FLII: variants seen among roughly 807,000 people sequenced by gnomAD.
FLII encodes the protein protein flightless-1 homolog.
In FLII, 101 loss-of-function variants were observed where a neutral mutation model predicts 156.2. That is an observed-to-expected ratio of 0.65 (90% CI 0.55 to 0.76). The LOEUF (loss-of-function observed/expected upper bound fraction) is 0.76, where lower values mean the gene tolerates loss of function less well. Among genes scored for constraint, FLII ranks in the 30% least tolerant of loss-of-function variants. The pLI is 0.00. For missense variants in FLII, 1,675 were observed against 1,682.8 expected, an observed-to-expected ratio of 1.00 and a Z score of 0.08; for synonymous variants, 767 against 685.8, an observed-to-expected ratio of 1.12 and a Z score of -1.85.
rs143462111 is a variant in FLII at position 18,245,424 on chromosome 17, G to T, written c.3610-5C>A. 8.1e-6 allele frequency: 13 copies of T among 1,614,064 alleles called. No individual in the cohort carries two copies. The highest frequency in any genetic ancestry group is 5.0e-5 in the Admixed American group (3 of 60,030). On this transcript the variant is annotated splice_region_variant and splice_polypyrimidine_tract_variant and intron_variant, in intron 28 of 29. Transcript: ENST00000327031. ...GGTCCCCACCCACATGTAGACCTGTGGGGGCAGCAGGGGAGATACGGTTGC... is the reference window on the plus strand; with the variant it reads ...GGTCCCCACCCACATGTAGACCTGTTGGGGCAGCAGGGGAGATACGGTTGC...
intron 10 of FLII, 106 bp from the exon 11 acceptor site, chr17:18,252,252 A>T: frequency 8.8e-7 from 1 of 1,140,970 alleles, no homozygotes; most frequent in Non-Finnish European, 1.3e-6. Flanking sequence ...CTGAGAGGTC[A>T]GGGAACTGGG....
At position 18,254,852 on chromosome 17, in the gene FLII, G is replaced by A; in HGVS notation, c.330C>T (p.Asp110=). The A allele has an allele frequency of 1.9e-6, 3 of 1,614,154 alleles. No individual in the cohort carries two copies. The highest frequency in any genetic ancestry group is 2.5e-6 in the Non-Finnish European group (3 of 1,180,020). ...IFKLDDLSVL[D]LSHNQLTECP... is the part of the protein sequence containing the mutation. ...ACTCTGTCAGCTGGTTGTGGCTCAA[G>A]TCCTGGGTAGAAGGGGCAAGACCCA... Residue 110 remains aspartate, a splice_region_variant and synonymous_variant, in exon 5 of 30, where the codon GAC becomes GAT. Transcript: ENST00000327031.
rs1597904083 is a variant in FLII at position 18,248,052 on chromosome 17, A to G, written c.2191-19T>C. On this transcript the variant is annotated intron_variant, in intron 18 of 29. Coordinates refer to ENST00000327031, the MANE Select transcript of FLII (RefSeq NM_002018.4). ...GGCCCACCTGGCAGGAAGGATGAGC[A>G]TGGCAGGGAAGGGATCTGGAGACAG... is the stretch of plus-strand genomic sequence containing the variant. The G allele has an allele frequency of 1.9e-6, 3 of 1,568,374 alleles. No individual in the cohort carries two copies. The highest frequency in any genetic ancestry group is 1.1e-5 in the South Asian group (1 of 90,060).
chr17:18,258,360 C>T lies in FLII; in HGVS notation c.63+268G>A. On this transcript the variant is annotated intron_variant, in intron 1 of 29. Transcript: ENST00000327031. The surrounding 1 kb of genome is among the most constrained non-coding windows in gnomAD (Gnocchi z 4.2). ...CCAGCCTAGACCGAGAACACGGACG[C>T]GGGGTGGGGGCTCCCGGCCGGGCCC... The T allele has an allele frequency of 3.5e-6, 3 of 853,946 alleles. No homozygotes were observed. Among genetic ancestry groups the T allele is most frequent in the Non-Finnish European group, 1.8e-6 (1 of 570,356 alleles). 52.9% of individuals were successfully genotyped at this position (853,946 alleles called of 1,614,324 possible). A position where few individuals can be genotyped will look rare whatever the true frequency, so the allele number is the denominator to read the frequency against.
intron 16 of FLII, 66 bp downstream of exon 16, chr17:18,249,061 C>T: frequency 1.3e-6 from 2 of 1,493,022 alleles, no homozygotes; most frequent in Non-Finnish European, 1.9e-6. Flanking sequence ...GAGGCCCACA[C>T]CTGCCCCCAC....
At position 18,258,395 on chromosome 17, in the gene FLII, C is replaced by A; in HGVS notation, c.63+233G>T. 1 of 1,282,638 alleles carries A rather than the reference C, an allele frequency of 7.8e-7. No individual in the cohort carries two copies. The allele number at this position is 1,282,638 out of a possible 1,614,324, so 79.5% of individuals were successfully genotyped here. On this transcript the variant is annotated intron_variant, in intron 1 of 29. Coordinates refer to ENST00000327031, the MANE Select transcript of FLII (RefSeq NM_002018.4). The surrounding 1 kb of genome is among the most constrained non-coding windows in gnomAD (Gnocchi z 4.2). ...GCTCCCGGCCGGGCCCCCGGCGGGA[C>A]TCCGAGCCCAAGCGTCCGTCCCCGG...
Position 18,247,797 on chromosome 17 carries a change from C to G in FLII, c.2347G>C (p.Asp783His), listed in dbSNP as rs1366344715. The G allele has an allele frequency of 2.5e-6, 4 of 1,612,460 alleles. No homozygotes were observed. The South Asian group carries it at 3.3e-5, about 13-fold the overall frequency. The change falls in exon 20 of 30, where the codon GAC becomes CAC. Residue 783 changes from aspartate (D) to histidine (H), a missense_variant. Around this residue, in one of 2 missense-constraint regions of FLII, gnomAD observed 1,332 missense variants for 1,269.3 expected, o/e 1.05. Coordinates refer to ENST00000327031, the MANE Select transcript of FLII (RefSeq NM_002018.4). ...RCVYILDCWS[D>H]VFIWLGRKSP... ...TTGCGGCCGAGCCAGATGAACACGT[C>G]GGACCAACAGTCCAGAATGTACACG... is the stretch of plus-strand genomic sequence containing the variant.
intron 29 of FLII, 24 bp from the exon 30 acceptor site, chr17:18,245,296 G>A (rs567421136): frequency 6.2e-7 from 1 of 1,612,872 alleles, no homozygotes; most frequent in Admixed American, 1.7e-5. Context: ...AGCGAGCCTT[G>A]GGTGATGACC....
chr17:18,246,246 C>T (rs1281758786), intron 24 of FLII, 24 bp from the exon 25 acceptor site: 1 of 1,614,168 alleles, frequency 6.2e-7, no homozygotes, highest in East Asian at 2.2e-5. Flanking sequence ...GGGGCATCAG[C>T]AAGGATTCAG....
chr17:18,252,509 G>GT lies in FLII; in HGVS notation c.1060dup (p.Thr354AsnfsTer35). On this transcript the variant is annotated frameshift_variant, in exon 10 of 30. Coordinates refer to ENST00000327031, the MANE Select transcript of FLII (RefSeq NM_002018.4). LOFTEE classifies it high-confidence loss of function. Reference sequence around the variant, plus strand: ...CAGGAAATGGATGGCTTCTGGGAGGGTCACCAGGTGGTTCTTGTTCAGGAC... The same window carrying GT: ...CAGGAAATGGATGGCTTCTGGGAGGGTTCACCAGGTGGTTCTTGTTCAGGAC... The GT allele has an allele frequency of 6.2e-7, 1 of 1,613,790 alleles. No individual in the cohort carries two copies. The highest frequency in any genetic ancestry group is 8.5e-7 in the Non-Finnish European group (1 of 1,180,008).
chr17:18,246,446 T>C lies in FLII; in HGVS notation c.3068A>G (p.Gln1023Arg). ...CAGGAACTTGGGGTTCTCCTGCTGC[T>C]GCGTCATGCGTACCACCTGGGGATG... ...PGKLEVVRMTQQQENPKFLSH... is the reference protein window; with the variant it reads ...PGKLEVVRMTRQQENPKFLSH... Residue 1023 changes from glutamine to arginine, a missense_variant, in exon 24 of 30, where the codon CAG (glutamine) becomes CGG (arginine). Around this residue, in one of 2 missense-constraint regions of FLII, gnomAD observed 1,332 missense variants for 1,269.3 expected, o/e 1.05. Coordinates refer to ENST00000327031, the MANE Select transcript of FLII (RefSeq NM_002018.4). 1.2e-6 allele frequency: 2 copies of C among 1,613,968 alleles called. No individual in the cohort carries two copies. Among genetic ancestry groups the C allele is most frequent in the Non-Finnish European group, 1.7e-6 (2 of 1,179,980 alleles).
Position 18,251,784 on chromosome 17 carries a change from T to G in FLII, c.1279A>C (p.Lys427Gln). 2 of 1,613,774 alleles carry G rather than the reference T, an allele frequency of 1.2e-6. No homozygotes were observed. Among genetic ancestry groups the G allele is most frequent in the Non-Finnish European group, 1.7e-6 (2 of 1,180,032 alleles). Residue 427 changes from lysine to glutamine, a missense_variant, in exon 12 of 30, where the codon AAG (lysine) becomes CAG (glutamine). By Grantham distance (53) the Lys-to-Gln change is moderately conservative. Around this residue, in one of 2 missense-constraint regions of FLII, gnomAD observed 1,332 missense variants for 1,269.3 expected, o/e 1.05. Transcript: ENST00000327031. ...TCCTTGCGCCTCCGCAGTCGCATCT[T>G]GCGAGCCATAGGGTCCTTGGGCCCA... ...GSGPKDPMAR[K>Q]MRLRRRKDSA...
chr17:18,254,753 C>T lies in FLII; in HGVS notation c.413+16G>A, dbSNP rs762568588. Reference sequence around the variant, plus strand: ...CACAGGGCCCACCTGCCCCCTGCCCCCCACTGGCCTGGCACCTGTTGTGGC... The same window carrying T: ...CACAGGGCCCACCTGCCCCCTGCCCTCCACTGGCCTGGCACCTGTTGTGGC... On this transcript the variant is annotated intron_variant, in intron 5 of 29. Transcript: ENST00000327031. 5 of 1,614,044 alleles carry T rather than the reference C, an allele frequency of 3.1e-6. No homozygotes were observed. Among genetic ancestry groups the T allele is most frequent in the African/African-American group, 1.3e-5 (1 of 75,028 alleles).
In FLII at chr17:18,251,415, C is replaced by T. The variant is rs1597912492; in HGVS notation, c.1446G>A (p.Lys482=). 3.1e-6 allele frequency: 5 copies of T among 1,613,068 alleles called. No individual in the cohort carries two copies. Among genetic ancestry groups the T allele is most frequent in the African/African-American group, 1.3e-5 (1 of 75,040 alleles). Residue 482 remains lysine, a synonymous_variant, in exon 13 of 30, where the codon AAG becomes AAA. Transcript: ENST00000327031. ...KVRRWDQGLE[K]PRLDYSEFFT... Reference sequence around the variant, plus strand: ...AGAACTCGGAGTAGTCAAGGCGGGGCTTCTCCAGGCCCTGGTCCCAACGCC... The same window carrying T: ...AGAACTCGGAGTAGTCAAGGCGGGGTTTCTCCAGGCCCTGGTCCCAACGCC...
intron 1 of FLII, 122 bp from the exon 2 acceptor site, chr17:18,257,141 A>G: frequency 3.3e-6 from 2 of 601,656 alleles, no homozygotes; most frequent in Non-Finnish European, 3.0e-6. Flanking sequence ...GAGAACACAG[A>G]CAAGTCATTT....
intron 13 of FLII, 27 bp downstream of exon 13, chr17:18,251,238 G>A: frequency 1.9e-6 from 3 of 1,606,584 alleles, no homozygotes; most frequent in Non-Finnish European, 2.6e-6. Context: ...GGGCCACATG[G>A]CCCCTAACAG....
chr17:18,247,742 A>G lies in FLII; in HGVS notation c.2402T>C (p.Leu801Pro). The change falls in exon 20 of 30, where the codon CTC becomes CCC. Residue 801 changes from leucine to proline, a missense_variant. Physicochemically the swap from Leu to Pro is moderately conservative, Grantham distance 98. This residue lies in a region of FLII where 1,332 missense variants were observed against 1,269.3 expected (regional missense o/e 1.05). Coordinates refer to ENST00000327031, the MANE Select transcript of FLII (RefSeq NM_002018.4). ...KSPRLVRAAALKLGQELCGML... is the reference protein window; with the variant it reads ...KSPRLVRAAAPKLGQELCGML... ...CCCGCACAGCTCCTGACCCAGCTTG[A>G]GGGCGGCAGCGCGCACCAGGCGCGG... 1 of 1,605,894 alleles carries G rather than the reference A, an allele frequency of 6.2e-7. No homozygotes were observed. The highest frequency in any genetic ancestry group is 8.5e-7 in the Non-Finnish European group (1 of 1,179,804).
chr17:18,254,559 G>A lies in FLII; in HGVS notation c.537C>T (p.Leu179=), dbSNP rs151069446. ...QMRRLVHLQT[L]VLNGNPLLHA... is the part of the protein sequence containing the mutation. ...GCAGCAGGGGGTTTCCATTGAGCACGAGCGTCTGCAGGTGCACCAGGCGGC... is the reference window on the plus strand; with the variant it reads ...GCAGCAGGGGGTTTCCATTGAGCACAAGCGTCTGCAGGTGCACCAGGCGGC... The change falls in exon 6 of 30, where the codon CTC becomes CTT. Residue 179 remains leucine, a synonymous_variant. Transcript: ENST00000327031. 20 of 1,613,358 alleles carry A rather than the reference G, an allele frequency of 1.2e-5. No individual in the cohort carries two copies. In the East Asian group the frequency reaches 2.5e-4, roughly 20 times the overall value.
Position 18,245,014 on chromosome 17 carries a change from C to T in FLII, c.*124G>A. 9.2e-7 allele frequency: 1 copy of T among 1,085,378 alleles called. No individual in the cohort carries two copies. The highest frequency in any genetic ancestry group is 1.5e-5 in the South Asian group (1 of 67,450). 67.2% of individuals were successfully genotyped at this position (1,085,378 alleles called of 1,614,324 possible). On this transcript the variant is annotated 3_prime_UTR_variant, in exon 30 of 30. Coordinates refer to ENST00000327031, the MANE Select transcript of FLII (RefSeq NM_002018.4). Reference sequence around the variant, plus strand: ...TCCCCATTGGTGCTGCTTGAGGCTACTGGGGACTGTGGCACTGGACGTGGC... The same window carrying T: ...TCCCCATTGGTGCTGCTTGAGGCTATTGGGGACTGTGGCACTGGACGTGGC...
Sources: gnomAD v4.1 joint callset for allele counts on GRCh38, gnomAD v4.1.1 for gene constraint, gnomAD v4.1.1 regional missense constraint, Gnocchi (gnomAD v3.1) non-coding constraint, MANE v1.5 for transcripts, NCBI Gene and HGNC (gene_info 2026-07-23, HGNC 2026-07-21) for gene names.